EVC2: variants seen among roughly 807,000 people sequenced by gnomAD.
The protein encoded by EVC2 is limbin.
In EVC2, 148 loss-of-function variants were observed where a neutral mutation model predicts 149.3. The ratio of observed to expected loss-of-function variants is 0.99; its 90% CI spans 0.87 to 1.14. The LOEUF (loss-of-function observed/expected upper bound fraction) is 1.14, where lower values mean the gene tolerates loss of function less well. Among genes scored for constraint, EVC2 ranks in the 50% most tolerant of loss-of-function variants. The probability of loss-of-function intolerance (pLI) is 0.00; values close to 1 mark genes in which losing one functional copy is unlikely to be tolerated. For synonymous variants in EVC2, 776 were observed against 649.9 expected (o/e 1.19, Z -2.95); for missense variants, 1,854 against 1,627.3 (o/e 1.14, Z -2.40).
intron 8 of EVC2, 53 bp from the exon 9 acceptor site, chr4:5,663,299 C>T (rs1400034175): frequency 1.8e-5 from 29 of 1,610,978 alleles, no homozygotes; most frequent in South Asian, 4.4e-5. Flanking sequence ...GTGAATTCCA[C>T]GTGCTGAGAA....
chr4:5,655,789 G>A (rs1167033851), intron 9 of EVC2, among the ~76,000 whole-genome samples: 3 of 150,974 alleles, frequency 2.0e-5, no homozygotes, highest in African/African-American at 7.3e-5. Flanking sequence ...AAGAGAGGGA[G>A]GGAGGGAGGG....
chr4:5,682,805 G>A (rs1720441377), intron 6 of EVC2, among the ~76,000 whole-genome samples: 1 of 150,868 alleles, frequency 6.6e-6, no homozygotes, highest in Non-Finnish European at 1.5e-5. Context: ...GTTGCAGTGA[G>A]CCCAGACTGC....
chr4:5,684,691 C>T (rs940298407), intron 6 of EVC2, among the ~76,000 whole-genome samples: 5 of 152,182 alleles, frequency 3.3e-5, no homozygotes, highest in African/African-American at 1.2e-4. Flanking sequence ...TGTTATGGGC[C>T]AGACTGTGTT....
intron 7 of EVC2, among the ~76,000 whole-genome samples, 194 bp downstream of exon 7, chr4:5,681,066 G>GA (rs1720304597): frequency 6.6e-6 from 1 of 152,178 alleles, no homozygotes; most frequent in Non-Finnish European, 1.5e-5. Flanking sequence ...CCAGGTGGAG[G>GA]GTCATCCAGG....
chr4:5,605,358 C>T (rs1022891881), intron 16 of EVC2, among the ~76,000 whole-genome samples: 1 of 152,110 alleles, frequency 6.6e-6, no homozygotes, highest in Non-Finnish European at 1.5e-5. Context: ...GACACAGTAG[C>T]CTCTGAAATC....
At chr4:5,603,478 G>C (rs66654180) in intron 16 of EVC2, among the ~76,000 whole-genome samples, 1 of 152,120 alleles carries the variant, frequency 6.6e-6, no homozygotes, top group African/African-American at 2.4e-5. Context: ...TCTCTTGTCA[G>C]GTCACTGAAA....
intron 3 of EVC2, among the ~76,000 whole-genome samples, chr4:5,691,729 G>T (rs1366781494): frequency 6.6e-6 from 1 of 152,186 alleles, no homozygotes; most frequent in Admixed American, 6.5e-5. Flanking sequence ...CTGGAACAAA[G>T]GGCAGTGTGT....
At chr4:5,689,813 C>T (rs1720987880) in intron 4 of EVC2, among the ~76,000 whole-genome samples, 1 of 152,180 alleles carries the variant, frequency 6.6e-6, no homozygotes, top group African/African-American at 2.4e-5. Context: ...TCAGGCTCTG[C>T]CCAGCACATG....
chr4:5,591,831 T>A lies in EVC2; in HGVS notation c.2830-6981A>T, dbSNP rs925000547. Reference sequence around the variant, plus strand: ...TATTAATGACAGGCTTCATTAAATATTCAAGCCACTGAGAATAATACAAAT... The same window carrying A: ...TATTAATGACAGGCTTCATTAAATAATCAAGCCACTGAGAATAATACAAAT... On this transcript the variant is annotated intron_variant, in intron 16 of 21. Coordinates refer to ENST00000344408, the MANE Select transcript of EVC2 (RefSeq NM_147127.5). Among the ~76,000 whole-genome samples, 8 of 152,234 alleles carry A rather than the reference T, an allele frequency of 5.3e-5. No homozygotes were observed. The East Asian group carries it at 5.8e-4, about 11-fold the overall frequency.
Position 5,562,618 on chromosome 4 carries a change from G to A in EVC2, c.*230C>T. 1 of 1,408,832 alleles carries A rather than the reference G, an allele frequency of 7.1e-7. No individual in the cohort carries two copies. The highest frequency in any genetic ancestry group is 9.2e-7 in the Non-Finnish European group (1 of 1,084,262). The allele number at this position is 1,408,832 out of a possible 1,614,324, so 87.3% of individuals were successfully genotyped here. A position where few individuals can be genotyped will look rare whatever the true frequency, so the allele number is the denominator to read the frequency against. ...TCCAGGGCCCTGGGGAGGTGGGGCT[G>A]AAAGAAGGAGTGTTTATGTCCTTGT... On this transcript the variant is annotated 3_prime_UTR_variant, in exon 22 of 22. Transcript: ENST00000344408. The surrounding 1 kb of genome is among the most constrained non-coding windows in gnomAD (Gnocchi z 4.3).
rs548658846 is a variant in EVC2, at chr4:5,696,864, G to A, written c.283+729C>T. ...AGCCAGGTCCTAACCCCATGAAGCT[G>A]TGAATGTTATCTTAGGGTCTCAGAT... On this transcript the variant is annotated intron_variant, in intron 2 of 21. Coordinates refer to ENST00000344408, the MANE Select transcript of EVC2 (RefSeq NM_147127.5). The surrounding 1 kb of genome is among the most constrained non-coding windows in gnomAD (Gnocchi z 4.1). Among the ~76,000 whole-genome samples, 1 of 152,334 alleles carries A rather than the reference G, an allele frequency of 6.6e-6. No individual in the cohort carries two copies. Among genetic ancestry groups the A allele is most frequent in the South Asian group, 2.1e-4 (1 of 4,824 alleles).
chr4:5,539,839 A>C (rs1721484377), downstream of EVC2, among the ~76,000 whole-genome samples: 1 of 152,082 alleles, frequency 6.6e-6, no homozygotes, highest in Non-Finnish European at 1.5e-5. Context: ...TATTTCTTAG[A>C]CACCAAAGCA....
At chr4:5,653,085 T>G (rs879458439) in intron 9 of EVC2, among the ~76,000 whole-genome samples, 1 of 152,190 alleles carries the variant, frequency 6.6e-6, no homozygotes, top group African/African-American at 2.4e-5. Context: ...ATCATTTCAG[T>G]GTGTGCCTCT....
intron 16 of EVC2, among the ~76,000 whole-genome samples, chr4:5,595,291 G>C (rs1468871379): frequency 2.0e-5 from 3 of 151,998 alleles, no homozygotes; most frequent in South Asian, 2.1e-4. Context: ...TTGAAATGAA[G>C]GAAAAAATGT....
Position 5,679,315 on chromosome 4 carries a change from A to G in EVC2, c.870+1945T>C, listed in dbSNP as rs958100721. Among the ~76,000 whole-genome samples the G allele has an allele frequency of 1.3e-5, 2 of 152,060 alleles. No individual in the cohort carries two copies. Among genetic ancestry groups the G allele is most frequent in the African/African-American group, 4.8e-5 (2 of 41,430 alleles). ...CAGTGGCATGATCTCGGCTCACTGCAACCTCCGCCTCCCAGGTTCAAGCAA... is the reference window on the plus strand; with the variant it reads ...CAGTGGCATGATCTCGGCTCACTGCGACCTCCGCCTCCCAGGTTCAAGCAA... On this transcript the variant is annotated intron_variant, in intron 7 of 21. Transcript: ENST00000344408. This position sits in a 1 kb window ranked among gnomAD's most constrained non-coding sequence, Gnocchi z 5.1.
chr4:5,587,557 C>T (rs931619312), intron 16 of EVC2, among the ~76,000 whole-genome samples: 1 of 152,192 alleles, frequency 6.6e-6, no homozygotes, highest in African/African-American at 2.4e-5. Context: ...ATTCCCATTG[C>T]TCATTTTTTT....
At chr4:5,582,805 G>A (rs144496766) in intron 17 of EVC2, among the ~76,000 whole-genome samples, 42 of 152,240 alleles carry the variant, frequency 2.8e-4, no homozygotes, top group East Asian at 1.7e-3. Context: ...CGATCCCTTC[G>A]GTGCTGTTCT....
At chr4:5,665,392 G>A (rs548991708) in intron 8 of EVC2, 123 bp downstream of exon 8, 1 of 1,470,450 alleles carries the variant, frequency 6.8e-7, no homozygotes, top group Non-Finnish European at 9.4e-7. Flanking sequence ...CCTGGGCATG[G>A]GTTTTTGTGC....
chr4:5,603,752 A>T (rs1043206023), intron 16 of EVC2, among the ~76,000 whole-genome samples: 2 of 152,232 alleles, frequency 1.3e-5, no homozygotes, highest in Non-Finnish European at 2.9e-5. Flanking sequence ...TAGATGTGCC[A>T]TGCAGACAGA....
Sources: allele counts gnomAD v4.1 joint callset (sites outside exome capture counted in the v4.1 genomes callset), GRCh38; gene constraint gnomAD v4.1.1; non-coding constraint Gnocchi (gnomAD v3.1); transcripts MANE v1.5; gene names NCBI Gene and HGNC (gene_info 2026-07-23, HGNC 2026-07-21).